The following DGKB variants were observed in gnomAD, a reference collection of about 807,000 sequenced individuals.
The protein encoded by DGKB is diacylglycerol kinase beta.
Under a neutral mutation model 114.3 loss-of-function variants are expected in DGKB, and 67 were observed. The observed-to-expected ratio is 0.59, with a 90% CI of 0.48 to 0.72. The LOEUF (loss-of-function observed/expected upper bound fraction) is 0.72. Among genes scored for constraint, DGKB ranks in the 30% least tolerant of loss-of-function variants. DGKB has a pLI of 0.00. For synonymous variants in DGKB, 398 were observed against 323.1 expected, an observed-to-expected ratio of 1.23 and a Z score of -2.49; for missense variants, 907 against 975.2, an observed-to-expected ratio of 0.93 and a Z score of 0.93.
Position 14,272,688 on chromosome 7 carries a change from T to A in DGKB, c.2122+65827A>T, listed in dbSNP as rs10236950. Reference sequence around the variant, plus strand: ...AAACATTTTCTCATAGACCCATTAGTGTCTATGAGACATACATAAAAAAGT... The same window carrying A: ...AAACATTTTCTCATAGACCCATTAGAGTCTATGAGACATACATAAAAAAGT... On this transcript the variant is annotated intron_variant, in intron 23 of 25. Coordinates refer to ENST00000402815, the MANE Select transcript of DGKB (RefSeq NM_001350709.2). 4.8e-3 allele frequency among the ~76,000 whole-genome samples: 738 copies of A among 152,294 alleles called. 2 individuals are homozygous for A. The highest frequency in any genetic ancestry group is 0.017 in the African/African-American group (693 of 41,578).
intron 23 of DGKB, among the ~76,000 whole-genome samples, chr7:14,235,937 C>T (rs1399555721): frequency 6.6e-6 from 1 of 151,966 alleles, no homozygotes; most frequent in Non-Finnish European, 1.5e-5. Flanking sequence ...TGGACGCACA[C>T]ACTGCAAAAA....
intron 13 of DGKB, among the ~76,000 whole-genome samples, chr7:14,651,167 T>C (rs1585354688): frequency 6.6e-6 from 1 of 152,248 alleles, no homozygotes; most frequent in South Asian, 2.1e-4. Context: ...ATCATTCTGA[T>C]ACCAAAGCCA....
intron 6 of DGKB, among the ~76,000 whole-genome samples, chr7:14,717,183 T>A: frequency 6.6e-6 from 1 of 152,136 alleles, no homozygotes; most frequent in East Asian, 1.9e-4. Context: ...TTCTTAGGAA[T>A]TCCACCTAAA....
chr7:14,664,932 G>A (rs754949540), intron 13 of DGKB, among the ~76,000 whole-genome samples: 1 of 151,848 alleles, frequency 6.6e-6, no homozygotes, highest in South Asian at 2.1e-4. Flanking sequence ...GAAGAAAAGA[G>A]GAAAGAGAGG....
At chr7:14,212,980 C>T (rs1274037713) in intron 23 of DGKB, among the ~76,000 whole-genome samples, 1 of 151,966 alleles carries the variant, frequency 6.6e-6, no homozygotes, top group Non-Finnish European at 1.5e-5. Context: ...ACTCCTAATC[C>T]TTGGGCATCT....
At chr7:14,710,143 A>G (rs941562568) in intron 6 of DGKB, among the ~76,000 whole-genome samples, 7 of 152,114 alleles carry the variant, frequency 4.6e-5, no homozygotes, top group East Asian at 1.9e-4. Context: ...GAGTCTTGAA[A>G]TCTACAACCA....
intron 23 of DGKB, among the ~76,000 whole-genome samples, chr7:14,293,021 A>G (rs147751804): frequency 8.5e-4 from 130 of 152,288 alleles, no homozygotes; most frequent in African/African-American, 2.9e-3. Context: ...TTAGGATGAG[A>G]GAGAGAAAGA....
At chr7:14,960,021 G>T (rs1349578760) in intron 1 of DGKB, among the ~76,000 whole-genome samples, 1 of 151,884 alleles carries the variant, frequency 6.6e-6, no homozygotes. Context: ...ATTTTTACAG[G>T]GAAGACAACT....
At position 14,701,980 on chromosome 7, in the gene DGKB, T is replaced by C. The variant is rs556487172; in HGVS notation, c.467-250A>G. On this transcript the variant is annotated intron_variant, in intron 6 of 25. Coordinates refer to ENST00000402815, the MANE Select transcript of DGKB (RefSeq NM_001350709.2). Reference sequence around the variant, plus strand: ...TAGAAGACACTAAAAAGTACTATTATTTGTTTAAACTCTTTATTACAAGAT... The same window carrying C: ...TAGAAGACACTAAAAAGTACTATTACTTGTTTAAACTCTTTATTACAAGAT... Among the ~76,000 whole-genome samples, 8 of 152,318 alleles carry C rather than the reference T, an allele frequency of 5.3e-5. No homozygotes were observed. In the South Asian group the frequency reaches 1.4e-3, roughly 28 times the overall value.
intron 1 of DGKB, among the ~76,000 whole-genome samples, chr7:14,872,967 A>G (rs1012125202): frequency 1.3e-5 from 2 of 152,058 alleles, no homozygotes; most frequent in Non-Finnish European, 2.9e-5. Context: ...CAAATATTTA[A>G]TGATAATCAT....
Position 14,233,386 on chromosome 7 carries a change from T to C in DGKB, c.2123-55235A>G, listed in dbSNP as rs139207044. Among the ~76,000 whole-genome samples the C allele has an allele frequency of 9.5e-4, 144 of 152,154 alleles. 1 individual carries two copies. Among genetic ancestry groups the C allele is most frequent in the Middle Eastern group, 3.4e-3 (1 of 294 alleles). On this transcript the variant is annotated intron_variant, in intron 23 of 25. Coordinates refer to ENST00000402815, the MANE Select transcript of DGKB (RefSeq NM_001350709.2). ...GAGGATGTTCGTATTTGCTACTTTG[T>C]AAAGCAATATTTCATGCCAGTGTCC...
In DGKB at chr7:14,736,170, G is replaced by A. The variant is rs750658891; in HGVS notation, c.193C>T (p.Leu65=). 7.6e-6 allele frequency: 12 copies of A among 1,588,182 alleles called. No homozygotes were observed. The highest frequency in any genetic ancestry group is 3.5e-5 in the South Asian group (3 of 86,768). ...NQTIDFEGFK[L]FMKTFLEAEL... ...GCTTCCAGGAATGTCTTCATGAATA[G>A]TTTGAAACCTTCAAAATCTATTGTC... Residue 65 remains leucine (L), a synonymous_variant, in exon 5 of 26, where the codon CTA becomes TTA. Coordinates refer to ENST00000402815, the MANE Select transcript of DGKB (RefSeq NM_001350709.2).
intron 2 of DGKB, among the ~76,000 whole-genome samples, chr7:14,810,978 C>T (rs1197222387): frequency 1.3e-5 from 2 of 152,056 alleles, no homozygotes; most frequent in African/African-American, 4.8e-5. Flanking sequence ...GAGTAGCCAC[C>T]TTTCACCTCT....
At chr7:14,841,997 C>G (rs1209765927) in intron 1 of DGKB, among the ~76,000 whole-genome samples, 1 of 152,134 alleles carries the variant, frequency 6.6e-6, no homozygotes, top group Non-Finnish European at 1.5e-5. Context: ...GTAGATGATT[C>G]TATTGTGAAT....
chr7:14,721,603 A>G (rs1006965062), intron 5 of DGKB, among the ~76,000 whole-genome samples: 1 of 152,152 alleles, frequency 6.6e-6, no homozygotes, highest in Non-Finnish European at 1.5e-5. Flanking sequence ...GCTGTATCAC[A>G]TATTTAATTG....
At chr7:14,489,310 A>T (rs1490620011) in intron 20 of DGKB, among the ~76,000 whole-genome samples, 1 of 152,234 alleles carries the variant, frequency 6.6e-6, no homozygotes, top group African/African-American at 2.4e-5. Flanking sequence ...AAATCAAGTC[A>T]ATGTAATATA....
chr7:14,925,271 T>A lies in DGKB; in HGVS notation c.-188+49425A>T, dbSNP rs1218777791. 2.6e-5 allele frequency among the ~76,000 whole-genome samples: 4 copies of A among 152,182 alleles called. No homozygotes were observed. In the East Asian group the frequency reaches 7.7e-4, roughly 29 times the overall value. ...TTTTTGTGTGAACATGTGCTTTACTTCTCTGGGATTAATGCTGAGGAGTAA... is the reference window on the plus strand; with the variant it reads ...TTTTTGTGTGAACATGTGCTTTACTACTCTGGGATTAATGCTGAGGAGTAA... On this transcript the variant is annotated intron_variant, in intron 1 of 4. Coordinates refer to the DGKB transcript ENST00000437998.
chr7:14,970,582 G>A (rs796718494), intron 1 of DGKB, among the ~76,000 whole-genome samples: 17 of 152,058 alleles, frequency 1.1e-4, no homozygotes, highest in African/African-American at 3.4e-4. Flanking sequence ...AACCAGAGGA[G>A]AAAAAAACAC....
chr7:14,936,750 C>G (rs1785291830), intron 1 of DGKB, among the ~76,000 whole-genome samples: 1 of 152,088 alleles, frequency 6.6e-6, no homozygotes. Flanking sequence ...ATTCCCATGT[C>G]ATCCTGCTGC....
Sources: gnomAD v4.1 joint callset for allele counts (sites outside exome capture counted in the v4.1 genomes callset) on GRCh38, gnomAD v4.1.1 for gene constraint, MANE v1.5 for transcripts, NCBI Gene and HGNC (gene_info 2026-07-23, HGNC 2026-07-21) for gene names.